The following MEMO1 variants were observed in gnomAD, a reference collection of about 807,000 sequenced individuals.
The protein encoded by MEMO1 is mediator of cell motility 1.
Under a neutral mutation model 45.2 loss-of-function variants are expected in MEMO1, and 6 were observed. The ratio of observed to expected loss-of-function variants is 0.13; its 90% CI spans 0.07 to 0.26. The LOEUF is 0.26. MEMO1 is among the 10% of genes least tolerant of loss of function. The probability of loss-of-function intolerance (pLI) is 1.00; values close to 1 mark genes in which losing one functional copy is unlikely to be tolerated. For missense variants in MEMO1, 184 were observed against 370.5 expected (o/e 0.50, Z 4.13); for synonymous variants, 78 against 124.3 (o/e 0.63, Z 2.48).
At chr2:31,910,134 A>C (rs1680336073) in intron 6 of MEMO1, among the ~76,000 whole-genome samples, 1 of 152,124 alleles carries the variant, frequency 6.6e-6, no homozygotes, top group Non-Finnish European at 1.5e-5. Flanking sequence ...AAAACCCACT[A>C]ATTTAGAATT....
At chr2:31,891,394 C>T (rs1038071836) in intron 7 of MEMO1, among the ~76,000 whole-genome samples, 4 of 152,084 alleles carry the variant, frequency 2.6e-5, no homozygotes, top group South Asian at 2.1e-4. Flanking sequence ...CTCACTGTGA[C>T]GTGTCCTTGC....
intron 2 of MEMO1, among the ~76,000 whole-genome samples, chr2:32,000,630 T>G (rs1368597482): frequency 2.6e-5 from 4 of 152,168 alleles, no homozygotes; most frequent in Non-Finnish European, 5.9e-5. Context: ...CCTCCCAAAG[T>G]GCAGGGATTA....
chr2:31,906,288 G>C (rs66648777), intron 6 of MEMO1, among the ~76,000 whole-genome samples: 1 of 147,788 alleles, frequency 6.8e-6, no homozygotes, highest in Non-Finnish European at 1.5e-5. Context: ...CTATTCTTTT[G>C]TTTTTGTTTT....
chr2:31,983,787 G>A (rs554144059), intron 2 of MEMO1, among the ~76,000 whole-genome samples: 2 of 152,290 alleles, frequency 1.3e-5, no homozygotes, highest in African/African-American at 4.8e-5. Context: ...AAGGCTCCTT[G>A]GAGAAATAGA....
chr2:31,928,311 G>C (rs1341423972), intron 4 of MEMO1, among the ~76,000 whole-genome samples: 1 of 152,178 alleles, frequency 6.6e-6, no homozygotes, highest in East Asian at 1.9e-4. Context: ...GGGAGGCCAA[G>C]GCAGGCAGAT....
intron 6 of MEMO1, among the ~76,000 whole-genome samples, chr2:31,898,174 T>C (rs936659973): frequency 1.3e-5 from 2 of 152,028 alleles, no homozygotes; most frequent in African/African-American, 2.4e-5. Context: ...AGCTCCTGGA[T>C]TCAATGATTT....
chr2:31,983,483 G>A (rs970185997), intron 2 of MEMO1, among the ~76,000 whole-genome samples: 3 of 152,100 alleles, frequency 2.0e-5, no homozygotes, highest in African/African-American at 7.2e-5. Flanking sequence ...GCCCAGGCCA[G>A]AGTGAGGGTG....
intron 4 of MEMO1, among the ~76,000 whole-genome samples, chr2:31,928,351 T>C (rs1280152702): frequency 1.3e-5 from 2 of 152,154 alleles, no homozygotes; most frequent in Non-Finnish European, 2.9e-5. Context: ...GAGACCAGCC[T>C]AGCCAACATG....
intron 2 of MEMO1, among the ~76,000 whole-genome samples, chr2:31,986,756 A>G (rs1386682062): frequency 2.6e-5 from 4 of 152,234 alleles, no homozygotes; most frequent in Non-Finnish European, 4.4e-5. Context: ...GATAAACACT[A>G]TAAAAGAAAC....
chr2:31,895,259 G>A (rs920166219), intron 6 of MEMO1, among the ~76,000 whole-genome samples: 2 of 152,100 alleles, frequency 1.3e-5, no homozygotes, highest in Non-Finnish European at 2.9e-5. Context: ...ACCCATATTC[G>A]GCGGGAAAAA....
intron 6 of MEMO1, among the ~76,000 whole-genome samples, chr2:31,916,306 G>A (rs1681436784): frequency 6.6e-6 from 1 of 152,046 alleles, no homozygotes; most frequent in African/African-American, 2.4e-5. Context: ...TCGGCTCACT[G>A]CAGTCTCAAC....
chr2:31,900,057 C>T (rs972863416), intron 6 of MEMO1, among the ~76,000 whole-genome samples: 1 of 152,116 alleles, frequency 6.6e-6, no homozygotes, highest in African/African-American at 2.4e-5. Context: ...TGTGGAGAAA[C>T]AGGAAAGCTT....
chr2:31,898,956 C>T (rs2148029485), intron 6 of MEMO1, among the ~76,000 whole-genome samples: 1 of 152,242 alleles, frequency 6.6e-6, no homozygotes, highest in East Asian at 1.9e-4. Context: ...ATCCCTTTAC[C>T]ATTATGTAAT....
intron 6 of MEMO1, among the ~76,000 whole-genome samples, chr2:31,897,251 A>G (rs1016800301): frequency 1.3e-5 from 2 of 152,216 alleles, no homozygotes; most frequent in East Asian, 1.9e-4. Context: ...AGAATTTCCA[A>G]TACTATGTTG....
chr2:31,993,561 G>A (rs995067057), intron 2 of MEMO1, among the ~76,000 whole-genome samples: 8 of 152,164 alleles, frequency 5.3e-5, no homozygotes, highest in Non-Finnish European at 1.2e-4. Context: ...TCAGAATTCT[G>A]GAGAAGAGGA....
At chr2:31,933,225 CAGG>C (rs1169339649) in intron 3 of MEMO1, among the ~76,000 whole-genome samples, 1 of 143,052 alleles carries the variant, frequency 7.0e-6, no homozygotes, top group East Asian at 2.1e-4. Flanking sequence ...GAGGCTGAGG[CAGG>C]AGGATTGCTT....
At chr2:31,914,900 T>C (rs1681191694) in intron 6 of MEMO1, among the ~76,000 whole-genome samples, 1 of 148,104 alleles carries the variant, frequency 6.8e-6, no homozygotes, top group African/African-American at 2.5e-5. Context: ...AAGGCTACAG[T>C]GAGTTATAAT....
intron 6 of MEMO1, among the ~76,000 whole-genome samples, chr2:31,904,227 G>C (rs1222006633): frequency 2.6e-5 from 4 of 152,186 alleles, no homozygotes; most frequent in Admixed American, 1.3e-4. Flanking sequence ...TGTGAATTTG[G>C]TTTTTAGAAT....
intron 6 of MEMO1, among the ~76,000 whole-genome samples, chr2:31,906,790 T>C (rs913880646): frequency 1.3e-5 from 2 of 152,180 alleles, no homozygotes; most frequent in African/African-American, 4.8e-5. Context: ...TCTGCCCCTC[T>C]TATACTGTAT....
Sources: allele counts gnomAD v4.1 joint callset (sites outside exome capture counted in the v4.1 genomes callset), GRCh38; gene constraint gnomAD v4.1.1; transcripts MANE v1.5; gene names NCBI Gene and HGNC (gene_info 2026-07-23, HGNC 2026-07-21).